SLIT3: variants seen among roughly 807,000 people sequenced by gnomAD.
The protein encoded by SLIT3 is slit guidance ligand 3, also known as slit homolog 3 protein.
Under a neutral mutation model 184.0 loss-of-function variants are expected in SLIT3, and 68 were observed. That is an observed-to-expected ratio of 0.37 (90% CI 0.30 to 0.45). The LOEUF (loss-of-function observed/expected upper bound fraction) is 0.45. SLIT3 is among the 20% of genes least tolerant of loss of function. The pLI is 1.00. For missense variants in SLIT3, 1,707 were observed against 2,026.0 expected (o/e 0.84, Z 3.02); for synonymous variants, 831 against 828.6 (o/e 1.00, Z -0.05).
At chr5:168,697,745 C>G (rs1293254847) in intron 27 of SLIT3, among the ~76,000 whole-genome samples, 2 of 152,220 alleles carry the variant, frequency 1.3e-5, no homozygotes, top group Non-Finnish European at 2.9e-5. Flanking sequence ...TCTTGGGGTA[C>G]AGCAAAATGA....
At chr5:169,057,281 G>A (rs1407675111) in intron 4 of SLIT3, among the ~76,000 whole-genome samples, 2 of 152,210 alleles carry the variant, frequency 1.3e-5, no homozygotes, top group Admixed American at 1.3e-4. Context: ...AGACTTAGGG[G>A]AGAGGGGAAG....
chr5:168,914,040 C>T (rs1342428208), intron 4 of SLIT3, among the ~76,000 whole-genome samples: 2 of 152,192 alleles, frequency 1.3e-5, no homozygotes, highest in Non-Finnish European at 2.9e-5. Context: ...TGGCCACATA[C>T]TCTTTCTTCA....
chr5:168,717,809 C>T (rs1339653912), intron 23 of SLIT3, among the ~76,000 whole-genome samples: 2 of 151,962 alleles, frequency 1.3e-5, no homozygotes, highest in African/African-American at 2.4e-5. Flanking sequence ...TACAGGCACC[C>T]GCCACTACGT....
intron 4 of SLIT3, among the ~76,000 whole-genome samples, chr5:169,100,507 G>A (rs113820807): frequency 0.013 from 2,005 of 152,282 alleles, 46 homozygotes; most frequent in African/African-American, 0.046. Flanking sequence ...GAATAAAGGC[G>A]TCAGGAATAT....
At chr5:169,171,738 A>C (rs1432485142) in intron 4 of SLIT3, among the ~76,000 whole-genome samples, 2 of 152,222 alleles carry the variant, frequency 1.3e-5, no homozygotes, top group Non-Finnish European at 2.9e-5. Context: ...ACATTTGCAG[A>C]CATCTACCTC....
chr5:169,270,264 T>C (rs906552906), intron 1 of SLIT3, among the ~76,000 whole-genome samples: 4 of 152,154 alleles, frequency 2.6e-5, no homozygotes, highest in Non-Finnish European at 5.9e-5. Context: ...CCGAGTCTAA[T>C]CCTAAGAAGG....
intron 4 of SLIT3, among the ~76,000 whole-genome samples, chr5:168,962,493 C>T (rs764473941): frequency 6.6e-5 from 10 of 151,898 alleles, no homozygotes; most frequent in Non-Finnish European, 1.3e-4. Context: ...TGACACATTC[C>T]GAGCAAGCTT....
intron 20 of SLIT3, among the ~76,000 whole-genome samples, chr5:168,745,443 AC>A (rs1763770556): frequency 6.6e-6 from 1 of 151,244 alleles, no homozygotes; most frequent in Non-Finnish European, 1.5e-5. Flanking sequence ...ACAGAGTCTC[AC>A]TTTATTGCCC....
At chr5:168,801,708 C>A (rs1756772463) in intron 9 of SLIT3, among the ~76,000 whole-genome samples, 2 of 151,996 alleles carry the variant, frequency 1.3e-5, no homozygotes, top group Admixed American at 1.3e-4. Flanking sequence ...TCAAAACCTG[C>A]TGGAAGCCAG....
At chr5:169,149,603 G>A (rs762510075) in intron 4 of SLIT3, among the ~76,000 whole-genome samples, 15 of 152,292 alleles carry the variant, frequency 9.8e-5, no homozygotes, top group Non-Finnish European at 1.3e-4. Flanking sequence ...TGTGAACAGT[G>A]GTGAAAGTGA....
intron 20 of SLIT3, among the ~76,000 whole-genome samples, chr5:168,746,434 G>GGTGGTATGGGTGTGGCGGTGT (rs1763818943): frequency 1.6e-5 from 1 of 63,406 alleles, no homozygotes; most frequent in African/African-American, 6.7e-5. Flanking sequence ...GGTGGTGTGT[G>GGTGGTATGGGTGTGGCGGTGT]GTGGTGTGGG....
intron 4 of SLIT3, among the ~76,000 whole-genome samples, chr5:168,926,684 T>C (rs1761834967): frequency 6.6e-6 from 1 of 151,082 alleles, no homozygotes; most frequent in South Asian, 2.1e-4. Flanking sequence ...GATTAAAAAA[T>C]GGGTAAAGGA....
intron 32 of SLIT3, among the ~76,000 whole-genome samples, chr5:168,682,096 G>A (rs56111626): frequency 6.6e-6 from 1 of 152,214 alleles, no homozygotes; most frequent in East Asian, 1.9e-4. Flanking sequence ...TGTGGCTCCA[G>A]GGACACAGAT....
chr5:168,752,631 G>A (rs992230242), intron 18 of SLIT3: 1 of 265,830 alleles, frequency 3.8e-6, no homozygotes, highest in Non-Finnish European at 7.2e-6. Context: ...CTCACCTCAG[G>A]TGATCCACCC....
chr5:168,934,567 C>T (rs962779935), intron 4 of SLIT3, among the ~76,000 whole-genome samples: 13 of 152,192 alleles, frequency 8.5e-5, no homozygotes, highest in African/African-American at 2.2e-4. Context: ...GGGAAAGGCA[C>T]GCGGCTGTGG....
chr5:168,956,941 T>TA (rs1224481934), intron 4 of SLIT3, among the ~76,000 whole-genome samples: 11 of 128,132 alleles, frequency 8.6e-5, no homozygotes, highest in Admixed American at 8.2e-4. Flanking sequence ...CACATCCACT[T>TA]TAAAAAAAAA....
At chr5:168,747,699 T>G (rs1754535862) in intron 20 of SLIT3, among the ~76,000 whole-genome samples, 1 of 151,958 alleles carries the variant, frequency 6.6e-6, no homozygotes, top group Non-Finnish European at 1.5e-5. Context: ...AGCTGGGAGT[T>G]TCTGGTGCAG....
intron 4 of SLIT3, among the ~76,000 whole-genome samples, chr5:169,137,335 C>CACACACACAGAGAGAG (rs368371904): frequency 1.4e-5 from 2 of 138,554 alleles, no homozygotes; most frequent in African/African-American, 5.6e-5. Context: ...CACACACACA[C>CACACACACAGAGAGAG]AGAGAGAGAG....
At chr5:168,873,718 T>A (rs1039599) in intron 5 of SLIT3, among the ~76,000 whole-genome samples, 2 of 152,044 alleles carry the variant, frequency 1.3e-5, no homozygotes, top group African/African-American at 4.8e-5. Flanking sequence ...TTCTCCCTCC[T>A]GGACTCCTCA....
Sources: allele counts gnomAD v4.1 joint callset (sites outside exome capture counted in the v4.1 genomes callset), GRCh38; gene constraint gnomAD v4.1.1; transcripts MANE v1.5; gene names NCBI Gene and HGNC (gene_info 2026-07-23, HGNC 2026-07-21).